CHST9: variants seen among roughly 807,000 people sequenced by gnomAD.
CHST9 encodes the protein GalNAc-4-sulfotransferase 2.
A neutral mutation model predicts 44.4 loss-of-function variants in CHST9; 41 were observed. The observed-to-expected ratio is 0.92, with a 90% CI of 0.72 to 1.20. The LOEUF (loss-of-function observed/expected upper bound fraction) is 1.20, where lower values mean the gene tolerates loss of function less well. Ranked by LOEUF, CHST9 falls within the 50% of genes most tolerant of loss-of-function variation. The pLI, the probability that CHST9 is intolerant of heterozygous loss-of-function variation, is 0.00. For synonymous variants in CHST9, 171 were observed against 178.4 expected, an observed-to-expected ratio of 0.96 and a Z score of 0.33; for missense variants, 504 against 516.5, an observed-to-expected ratio of 0.98 and a Z score of 0.23.
intron 2 of CHST9, among the ~76,000 whole-genome samples, chr18:27,064,269 GA>G (rs11388117): frequency 0.12 from 18,305 of 147,334 alleles, 1,243 homozygotes; most frequent in Middle Eastern, 0.23. Flanking sequence ...GCCTTACAGC[GA>G]AAAAAAAAAA....
intron 2 of CHST9, among the ~76,000 whole-genome samples, chr18:27,068,456 A>G (rs2057805171): frequency 6.6e-6 from 1 of 152,136 alleles, no homozygotes; most frequent in Non-Finnish European, 1.5e-5. Context: ...CAAATAATTC[A>G]TATCATTATA....
Position 26,916,747 on chromosome 18 carries a change from G to T in CHST9, c.844C>A (p.Pro282Thr), listed in dbSNP as rs767241443. The T allele has an allele frequency of 1.5e-5, 24 of 1,613,724 alleles. No homozygotes were observed. Among genetic ancestry groups the T allele is most frequent in the Non-Finnish European group, 1.9e-5 (22 of 1,179,846 alleles). The change falls in exon 6 of 6, where the codon CCC becomes ACC. Residue 282 changes from proline to threonine, a missense_variant. Physicochemically the swap from Pro to Thr is conservative, Grantham distance 38. Transcript: ENST00000618847. ...AAGGCTGATACTAATCTTTCCATGG[G>T]ATCACGAACAAACACAGCTTTGGTG... ...TYTKAVFVRD[P>T]MERLVSAFRD...
chr18:26,968,155 C>G (rs7236637), intron 4 of CHST9, among the ~76,000 whole-genome samples: 1 of 152,114 alleles, frequency 6.6e-6, no homozygotes, highest in East Asian at 1.9e-4. Context: ...TTCTAATAAA[C>G]TTTCCTTCGT....
intron 4 of CHST9, among the ~76,000 whole-genome samples, chr18:26,985,583 G>T (rs147173131): frequency 6.6e-6 from 1 of 152,316 alleles, no homozygotes; most frequent in Non-Finnish European, 1.5e-5. Flanking sequence ...GAGAATCCAT[G>T]AACAAGGTGT....
chr18:27,174,903 T>C (rs960595459), intron 1 of CHST9, among the ~76,000 whole-genome samples: 6 of 152,022 alleles, frequency 3.9e-5, no homozygotes, highest in Non-Finnish European at 8.8e-5. Flanking sequence ...TTTTGAGCAA[T>C]TCCTTGCTTT....
At chr18:26,944,754 A>G (rs1274342490) in intron 4 of CHST9, among the ~76,000 whole-genome samples, 1 of 152,200 alleles carries the variant, frequency 6.6e-6, no homozygotes, top group African/African-American at 2.4e-5. Flanking sequence ...AGCTCAGGGA[A>G]CCCTGAGAAC....
chr18:27,151,743 C>T (rs1194704508), intron 1 of CHST9, among the ~76,000 whole-genome samples: 5 of 152,104 alleles, frequency 3.3e-5, no homozygotes, highest in Non-Finnish European at 7.4e-5. Context: ...TGTAGGTGGC[C>T]TCTAGCAGCT....
intron 2 of CHST9, among the ~76,000 whole-genome samples, chr18:27,137,691 C>A (rs559731048): frequency 9.9e-5 from 15 of 151,952 alleles, no homozygotes; most frequent in Non-Finnish European, 2.1e-4. Context: ...TTTTAAAAAA[C>A]GGGTGGATTC....
Position 26,916,586 on chromosome 18 carries a change from G to A in CHST9, c.1005C>T (p.His335=), listed in dbSNP as rs757033006. ...GSGVKFKEFI[H]YLLDSHRPVG... ...CTGGACGGTGGGAATCCAGCAAGTA[G>A]TGGATAAACTCTTTGAACTTGACTC... The change falls in exon 6 of 6, where the codon CAC becomes CAT. Residue 335 remains histidine, a synonymous_variant. Transcript: ENST00000618847. 5 of 1,613,824 alleles carry A rather than the reference G, an allele frequency of 3.1e-6. No homozygotes were observed. Among genetic ancestry groups the A allele is most frequent in the Non-Finnish European group, 4.2e-6 (5 of 1,179,762 alleles).
At chr18:27,037,279 C>A (rs1218974896) in intron 3 of CHST9, among the ~76,000 whole-genome samples, 2 of 152,124 alleles carry the variant, frequency 1.3e-5, no homozygotes, top group East Asian at 3.9e-4. Flanking sequence ...TTGACATTTT[C>A]TCATGAGTAA....
intron 1 of CHST9, among the ~76,000 whole-genome samples, chr18:27,174,567 T>C (rs750675306): frequency 5.9e-5 from 9 of 152,104 alleles, no homozygotes; most frequent in Admixed American, 1.3e-4. Flanking sequence ...TAGGGTGACA[T>C]GAAGAGATAA....
rs117985044 is a variant in CHST9, at chr18:26,948,838, C to A, written c.203-4472G>T. 6.4e-3 allele frequency among the ~76,000 whole-genome samples: 975 copies of A among 152,156 alleles called. 7 individuals carry two copies. Among genetic ancestry groups the A allele is most frequent in the South Asian group, 0.013 (62 of 4,814 alleles). On this transcript the variant is annotated intron_variant, in intron 4 of 5. Coordinates refer to ENST00000618847, the MANE Select transcript of CHST9 (RefSeq NM_031422.6). ...GGCACTCCAGGGAGTTGGGGCAGGA[C>A]AAGTAAAGAAATCTAAGAGGCAGGT...
intron 2 of CHST9, among the ~76,000 whole-genome samples, chr18:27,066,935 A>G (rs1444449280): frequency 6.6e-6 from 1 of 152,186 alleles, no homozygotes; most frequent in Non-Finnish European, 1.5e-5. Context: ...TATTTTTAAT[A>G]AGGCCTTACG....
intron 3 of CHST9, among the ~76,000 whole-genome samples, chr18:27,035,698 G>T (rs918471740): frequency 6.6e-6 from 1 of 152,084 alleles, no homozygotes; most frequent in African/African-American, 2.4e-5. Flanking sequence ...TAAGCCAGAG[G>T]CAGAAAGACA....
intron 2 of CHST9, among the ~76,000 whole-genome samples, chr18:27,135,212 C>A (rs1178254727): frequency 6.6e-6 from 1 of 151,898 alleles, no homozygotes; most frequent in African/African-American, 2.4e-5. Flanking sequence ...AAACAAGGGA[C>A]AAAAAAGTGC....
chr18:26,947,896 G>GATAT (rs2056188434), intron 4 of CHST9, among the ~76,000 whole-genome samples: 1 of 152,152 alleles, frequency 6.6e-6, no homozygotes, highest in Non-Finnish European at 1.5e-5. Context: ...CCCATTACTG[G>GATAT]ATATATACCC....
rs142703937 is a variant in CHST9, at chr18:27,179,735, C to T, written c.-97+5401G>A. 5.8e-4 allele frequency among the ~76,000 whole-genome samples: 88 copies of T among 152,108 alleles called. 2 individuals carry two copies. The East Asian group carries it at 0.014, about 24-fold the overall frequency. ...ATTAAGAATTTTATTTACATTCCCA[C>T]CAAAAGCCGAGCAATTTACAAAAAT... On this transcript the variant is annotated intron_variant, in intron 1 of 5. Transcript: ENST00000618847.
At chr18:27,092,173 A>C (rs970570858) in intron 2 of CHST9, among the ~76,000 whole-genome samples, 2 of 152,064 alleles carry the variant, frequency 1.3e-5, no homozygotes, top group Non-Finnish European at 2.9e-5. Context: ...TAGTCTTGGG[A>C]GGGTGTATGT....
intron 4 of CHST9, among the ~76,000 whole-genome samples, chr18:27,021,255 T>G (rs1598645811): frequency 6.6e-6 from 1 of 152,084 alleles, no homozygotes; most frequent in African/African-American, 2.4e-5. Flanking sequence ...GGGCTGGAGG[T>G]TAGCTGATGG....
Sources: gnomAD v4.1 joint callset for allele counts (sites outside exome capture counted in the v4.1 genomes callset) on GRCh38, gnomAD v4.1.1 for gene constraint, MANE v1.5 for transcripts, NCBI Gene and HGNC (gene_info 2026-07-23, HGNC 2026-07-21) for gene names.